Variants in GTF2I observed in about 807,000 individuals in gnomAD.
The protein encoded by GTF2I is general transcription factor IIi, also known as general transcription factor II-I.
Under a neutral mutation model 67.6 loss-of-function variants are expected in GTF2I, and 12 were observed. That is an observed-to-expected ratio of 0.18 (90% CI 0.11 to 0.29). The LOEUF (loss-of-function observed/expected upper bound fraction) is 0.29, where lower values mean the gene tolerates loss of function less well. Ranked by LOEUF, GTF2I falls within the 10% of genes least tolerant of loss-of-function variation. The probability of loss-of-function intolerance (pLI) is 1.00; values close to 1 mark genes in which losing one functional copy is unlikely to be tolerated. For missense variants in GTF2I, 271 were observed against 580.1 expected (o/e 0.47, Z 5.47); for synonymous variants, 149 against 197.0 (o/e 0.76, Z 2.04).
intron 9 of GTF2I, among the ~76,000 whole-genome samples, chr7:74,712,519 T>C (rs1409237629): frequency 1.3e-5 from 2 of 148,192 alleles, no homozygotes; most frequent in Admixed American, 1.3e-4. Context: ...TGTGTGTGTG[T>C]GTGTGTGTGT....
chr7:74,719,027 A>C (rs1792604683), intron 12 of GTF2I, 86 bp downstream of exon 12: 1 of 704,264 alleles, frequency 1.4e-6, no homozygotes, highest in Non-Finnish European at 2.4e-6. Context: ...TATGCATTTC[A>C]TTCATTTTTA....
At chr7:74,658,855 G>C (rs1804201697) in intron 1 of GTF2I, among the ~76,000 whole-genome samples, 1 of 152,108 alleles carries the variant, frequency 6.6e-6, no homozygotes, top group Admixed American at 6.5e-5. Context: ...CCCAGACGAC[G>C]GGAGTGCAGA....
chr7:74,697,035 TGA>T (rs1788993850), intron 3 of GTF2I, among the ~76,000 whole-genome samples: 1 of 152,164 alleles, frequency 6.6e-6, no homozygotes, highest in Non-Finnish European at 1.5e-5. Flanking sequence ...GAAAAACAAG[TGA>T]AATTCATTTT....
At chr7:74,687,589 A>T (rs1392433836) in intron 1 of GTF2I, 1 of 976,092 alleles carries the variant, frequency 1.0e-6, no homozygotes, top group African/African-American at 1.7e-5. Flanking sequence ...TTGATGGGTA[A>T]TCTGGGCTAG....
At chr7:74,750,467 AT>A (rs1795746004) in intron 26 of GTF2I, among the ~76,000 whole-genome samples, 1 of 90,040 alleles carries the variant, frequency 1.1e-5, no homozygotes, top group African/African-American at 3.3e-5. Context: ...AATAATTGGA[AT>A]TTTATAGTAC....
chr7:74,667,492 T>C (rs1414718434), intron 1 of GTF2I, among the ~76,000 whole-genome samples: 1 of 152,172 alleles, frequency 6.6e-6, no homozygotes, highest in Non-Finnish European at 1.5e-5. Flanking sequence ...TAACATATAC[T>C]TAACACAAAA....
intron 1 of GTF2I, among the ~76,000 whole-genome samples, chr7:74,680,099 A>AATATATATATATATATAT (rs1554393663): frequency 5.3e-5 from 5 of 94,970 alleles, no homozygotes; most frequent in African/African-American, 8.0e-5. Flanking sequence ...AAAAAAAAAA[A>AATATATATATATATATAT]ATATATATAT....
chr7:74,697,472 A>G (rs1166280255), intron 3 of GTF2I, among the ~76,000 whole-genome samples: 1 of 152,128 alleles, frequency 6.6e-6, no homozygotes, highest in Non-Finnish European at 1.5e-5. Flanking sequence ...TGTATTGTAC[A>G]CTCATGAAAC....
At chr7:74,681,925 AG>A (rs1286288755) in intron 1 of GTF2I, among the ~76,000 whole-genome samples, 1 of 151,844 alleles carries the variant, frequency 6.6e-6, no homozygotes, top group African/African-American at 2.4e-5. Flanking sequence ...AAAAAAAAAA[AG>A]TAATGGGAGG....
intron 26 of GTF2I, among the ~76,000 whole-genome samples, chr7:74,749,894 C>CAAA (rs1159090377): frequency 6.4e-5 from 5 of 77,958 alleles, no homozygotes; most frequent in Admixed American, 2.9e-4. Context: ...ATCTCAAAAA[C>CAAA]AAAAAAAAAA....
chr7:74,716,245 G>C (rs1792249492), intron 10 of GTF2I, among the ~76,000 whole-genome samples: 1 of 152,106 alleles, frequency 6.6e-6, no homozygotes, highest in Admixed American at 6.6e-5. Context: ...CTAGTAGGAT[G>C]AGCCTGTTCA....
chr7:74,727,271 G>A (rs1793966757), intron 12 of GTF2I: 1 of 152,220 alleles, frequency 6.6e-6, no homozygotes, highest in Admixed American at 6.5e-5. Flanking sequence ...GGGTGCTGGT[G>A]TCCAGTCGCC....
At chr7:74,706,674 AT>A (rs377080180) in intron 8 of GTF2I, among the ~76,000 whole-genome samples, 39 of 151,324 alleles carry the variant, frequency 2.6e-4, no homozygotes, top group African/African-American at 6.1e-4. Context: ...GATAAAATGT[AT>A]TTTTTTTTCC....
intron 3 of GTF2I, among the ~76,000 whole-genome samples, chr7:74,692,330 A>G (rs1788399926): frequency 6.6e-6 from 1 of 152,100 alleles, no homozygotes; most frequent in African/African-American, 2.4e-5. Context: ...TCGGCCTCCC[A>G]AAGTGCTGGG....
intron 4 of GTF2I, 82 bp from the exon 5 acceptor site, chr7:74,700,165 A>AT: frequency 7.0e-7 from 1 of 1,427,552 alleles, no homozygotes. Flanking sequence ...GGATGCCCTT[A>AT]TTAAGCCACA....
At chr7:74,684,571 A>G (rs1787529373) in intron 1 of GTF2I, 1 of 152,232 alleles carries the variant, frequency 6.6e-6, no homozygotes, top group South Asian at 2.1e-4. Context: ...GCCTCCACGA[A>G]TAGTTTCAAC....
chr7:74,700,504 TATTTTTAAA>T, intron 5 of GTF2I, 74 bp downstream of exon 5: 1 of 1,597,332 alleles, frequency 6.3e-7, no homozygotes, highest in South Asian at 1.1e-5. Context: ...TACGTTAATG[TATTTTTAAA>T]ATTCATATTT....
chr7:74,662,780 C>G (rs1168982125), intron 1 of GTF2I, among the ~76,000 whole-genome samples: 3 of 151,982 alleles, frequency 2.0e-5, no homozygotes, highest in Admixed American at 2.0e-4. Flanking sequence ...CCTAGGCCTC[C>G]CAAAGTGTTG....
intron 14 of GTF2I, among the ~76,000 whole-genome samples, chr7:74,730,713 C>CTTTTTTTTTTTTT (rs869183139): frequency 3.0e-4 from 19 of 63,922 alleles, no homozygotes; most frequent in Admixed American, 7.6e-4. Flanking sequence ...CTACTTTTAT[C>CTTTTTTTTTTTTT]TTTTTTTTTT....
Sources: gnomAD v4.1 joint callset for allele counts (sites outside exome capture counted in the v4.1 genomes callset) on GRCh38, gnomAD v4.1.1 for gene constraint, MANE v1.5 for transcripts, NCBI Gene and HGNC (gene_info 2026-07-23, HGNC 2026-07-21) for gene names.